Variants in TMEM117 observed in about 807,000 individuals in gnomAD.
The protein encoded by TMEM117 is transmembrane protein 117.
TMEM117 carries 27 observed loss-of-function variants against 52.4 expected under a neutral mutation model. The observed-to-expected ratio is 0.51, with a 90% CI of 0.38 to 0.71. The LOEUF is 0.71. TMEM117 is among the 30% of genes least tolerant of loss of function. The pLI is 0.00. For synonymous variants in TMEM117, 215 were observed against 206.3 expected, an observed-to-expected ratio of 1.04 and a Z score of -0.36; for missense variants, 556 against 630.5, an observed-to-expected ratio of 0.88 and a Z score of 1.26.
At chr12:44,042,172 A>G (rs1473152924) in intron 3 of TMEM117, among the ~76,000 whole-genome samples, 2 of 152,198 alleles carry the variant, frequency 1.3e-5, no homozygotes, top group African/African-American at 4.8e-5. Context: ...CAGTGTTTTA[A>G]TATTCATATT....
the TMEM117 span, among the ~76,000 whole-genome samples, chr12:43,823,772 A>G: frequency 6.6e-6 from 1 of 152,146 alleles, no homozygotes; most frequent in Non-Finnish European, 1.5e-5. Context: ...TCAGCCTCCC[A>G]AAGTGCTAGG....
intron 2 of TMEM117, among the ~76,000 whole-genome samples, chr12:43,903,735 A>C (rs1944340868): frequency 6.6e-6 from 1 of 152,154 alleles, no homozygotes; most frequent in African/African-American, 2.4e-5. Flanking sequence ...TATTCAACCC[A>C]AGGAACACTT....
At chr12:44,081,522 C>T (rs983758096) in intron 3 of TMEM117, among the ~76,000 whole-genome samples, 5 of 152,016 alleles carry the variant, frequency 3.3e-5, no homozygotes, top group Non-Finnish European at 7.4e-5. Context: ...TGTGATCATC[C>T]GTTTATACAT....
rs1945938321 is a variant in TMEM117 at position 43,991,440 on chromosome 12, TCTATCTA to T, written c.410+47099_410+47105del. On this transcript the variant is annotated intron_variant, in intron 3 of 7. Coordinates refer to ENST00000266534, the MANE Select transcript of TMEM117 (RefSeq NM_032256.3). ...ACCAATCCACAAATATTTATTGTTATCTATCTATCTATCTATCTATCTATCTATCTAT... is the reference window on the plus strand; with the variant it reads ...ACCAATCCACAAATATTTATTGTTATTCTATCTATCTATCTATCTATCTAT... 2.4e-4 allele frequency among the ~76,000 whole-genome samples: 5 copies of T among 21,028 alleles called. No homozygotes were observed. The Non-Finnish European group carries it at 4.7e-3, about 20-fold the overall frequency. The allele number at this position is 21,028 out of a possible 152,430, so 13.8% of individuals were successfully genotyped here. A position where few individuals can be genotyped will look rare whatever the true frequency, so the allele number is the denominator to read the frequency against.
chr12:44,022,417 C>T (rs140320628), intron 3 of TMEM117, among the ~76,000 whole-genome samples: 1 of 152,248 alleles, frequency 6.6e-6, no homozygotes, highest in East Asian at 1.9e-4. Flanking sequence ...CCTTTTTGAA[C>T]TTGTTGTTTT....
intron 2 of TMEM117, among the ~76,000 whole-genome samples, chr12:43,851,782 G>A (rs1347470468): frequency 6.6e-6 from 1 of 152,110 alleles, no homozygotes; most frequent in Non-Finnish European, 1.5e-5. Flanking sequence ...GAGCACAAGG[G>A]GAAACTACAT....
chr12:44,237,571 T>G (rs571348760), intron 5 of TMEM117, among the ~76,000 whole-genome samples: 4 of 151,942 alleles, frequency 2.6e-5, no homozygotes, highest in Admixed American at 6.6e-5. Flanking sequence ...ACAAAAATTT[T>G]CTGGGCATGG....
chr12:44,342,740 A>G (rs1410963165), intron 6 of TMEM117, among the ~76,000 whole-genome samples: 1 of 152,110 alleles, frequency 6.6e-6, no homozygotes, highest in Non-Finnish European at 1.5e-5. Flanking sequence ...ACAAAAAGGC[A>G]TATTTTTCTT....
Position 44,254,663 on chromosome 12 carries a change from TA to T in TMEM117, c.608+43277del, listed in dbSNP as rs200318608. Among the ~76,000 whole-genome samples the T allele has an allele frequency of 2.4e-3, 370 of 152,048 alleles. 11 individuals are homozygous for T. The East Asian group carries it at 0.035, about 14-fold the overall frequency. On this transcript the variant is annotated intron_variant, in intron 5 of 7. Transcript: ENST00000266534. ...AGAAAGTACCAGATATATATATATATATTTTTTATTATACTTTAAGTTTTAG... is the reference window on the plus strand; with the variant it reads ...AGAAAGTACCAGATATATATATATATTTTTTTATTATACTTTAAGTTTTAG...
intron 2 of TMEM117, among the ~76,000 whole-genome samples, chr12:43,907,437 G>T (rs996471189): frequency 6.6e-6 from 1 of 151,352 alleles, no homozygotes; most frequent in African/African-American, 2.4e-5. Context: ...AAAGCGGAGC[G>T]CCTCTCCTCC....
chr12:44,072,081 C>T (rs941813071), intron 3 of TMEM117, among the ~76,000 whole-genome samples: 14 of 152,162 alleles, frequency 9.2e-5, no homozygotes, highest in African/African-American at 3.4e-4. Flanking sequence ...GATTGATGCA[C>T]TTCTCACTAA....
chr12:43,806,561 C>G, the TMEM117 span, among the ~76,000 whole-genome samples: 1 of 152,128 alleles, frequency 6.6e-6, no homozygotes. Flanking sequence ...GCTCAGTGCT[C>G]CGACGTCTGC....
chr12:44,012,288 C>T (rs1163660794), intron 3 of TMEM117, among the ~76,000 whole-genome samples: 1 of 151,424 alleles, frequency 6.6e-6, no homozygotes, highest in Non-Finnish European at 1.5e-5. Flanking sequence ...TTTTTTGGTA[C>T]TTGTTCTGCC....
At chr12:44,299,307 ATTTTT>A (rs1950808417) in intron 5 of TMEM117, among the ~76,000 whole-genome samples, 1 of 151,704 alleles carries the variant, frequency 6.6e-6, no homozygotes, top group African/African-American at 2.4e-5. Flanking sequence ...ATTTTTTTGT[ATTTTT>A]AGTAGAGACA....
At chr12:44,258,326 C>T (rs1950283131) in intron 5 of TMEM117, among the ~76,000 whole-genome samples, 2 of 152,070 alleles carry the variant, frequency 1.3e-5, no homozygotes, top group Non-Finnish European at 1.5e-5. Flanking sequence ...GTATAATGAG[C>T]AGCCGTGGCC....
chr12:44,269,911 T>C (rs1387900626), intron 5 of TMEM117, among the ~76,000 whole-genome samples: 2 of 152,126 alleles, frequency 1.3e-5, no homozygotes, highest in Non-Finnish European at 2.9e-5. Flanking sequence ...AACAGTCTTA[T>C]AATTTGAAAG....
At chr12:43,906,803 C>T (rs1005029377) in intron 2 of TMEM117, among the ~76,000 whole-genome samples, 6 of 152,246 alleles carry the variant, frequency 3.9e-5, no homozygotes, top group African/African-American at 9.6e-5. Context: ...TAAAAAACGG[C>T]GCACCAGGAG....
the TMEM117 span, among the ~76,000 whole-genome samples, chr12:43,809,678 G>A: frequency 2.0e-5 from 3 of 152,236 alleles, no homozygotes; most frequent in Admixed American, 1.3e-4. Flanking sequence ...CCACAATATC[G>A]CTGGGCCCTG....
At chr12:44,037,288 C>CACAAA (rs1427481142) in intron 3 of TMEM117, among the ~76,000 whole-genome samples, 1 of 152,168 alleles carries the variant, frequency 6.6e-6, no homozygotes, top group Non-Finnish European at 1.5e-5. Context: ...GTGTTCTTGA[C>CACAAA]GGCCTGGGAA....
Sources: allele counts gnomAD v4.1 joint callset (sites outside exome capture counted in the v4.1 genomes callset), GRCh38; gene constraint gnomAD v4.1.1; transcripts MANE v1.5; gene names NCBI Gene and HGNC (gene_info 2026-07-23, HGNC 2026-07-21).